ANKFN1: variants seen among roughly 807,000 people sequenced by gnomAD.
ANKFN1 encodes ankyrin repeat and fibronectin type III domain containing 1.
A neutral mutation model predicts 108.7 loss-of-function variants in ANKFN1; 74 were observed. The ratio of observed to expected loss-of-function variants is 0.68; its 90% CI spans 0.56 to 0.83. The LOEUF is 0.83. Among genes scored for constraint, ANKFN1 ranks in the 40% least tolerant of loss-of-function variants. The pLI is 0.00. For missense variants in ANKFN1, 1,505 were observed against 1,382.3 expected, an observed-to-expected ratio of 1.09 and a Z score of -1.41; for synonymous variants, 547 against 516.2, an observed-to-expected ratio of 1.06 and a Z score of -0.81.
intron 6 of ANKFN1, among the ~76,000 whole-genome samples, chr17:56,356,486 CAA>C (rs1567940332): frequency 6.6e-6 from 1 of 152,110 alleles, no homozygotes; most frequent in African/African-American, 2.4e-5. Context: ...CGCCACCACC[CAA>C]AGACTAGGTA....
In ANKFN1 at chr17:56,498,866, C is replaced by T. The variant is rs1222845062; in HGVS notation, c.2428-16C>T. On this transcript the variant is annotated splice_polypyrimidine_tract_variant and intron_variant, in intron 19 of 20. Transcript: ENST00000682825. ...CTGCTTGATAACTTAGTGTCTTTTACCATTTTATTCCAAAGCAAATAGATG... is the reference window on the plus strand; with the variant it reads ...CTGCTTGATAACTTAGTGTCTTTTATCATTTTATTCCAAAGCAAATAGATG... The T allele has an allele frequency of 2.6e-6, 4 of 1,529,380 alleles. No homozygotes were observed. The South Asian group carries it at 3.6e-5, about 14-fold the overall frequency. The allele number at this position is 1,529,380 out of a possible 1,614,324, so 94.7% of individuals were successfully genotyped here.
At chr17:56,162,167 C>A (rs1909719084) in intron 1 of ANKFN1, among the ~76,000 whole-genome samples, 2 of 152,108 alleles carry the variant, frequency 1.3e-5, no homozygotes, top group Non-Finnish European at 2.9e-5. Flanking sequence ...TTCTCCCCTA[C>A]CTAAAAGAAG....
At chr17:56,047,578 T>C (rs1313324519) in intron 4 of ANKFN1, among the ~76,000 whole-genome samples, 1 of 152,066 alleles carries the variant, frequency 6.6e-6, no homozygotes, top group Non-Finnish European at 1.5e-5. Flanking sequence ...AAATGAAATA[T>C]GAACCAGGGG....
intron 3 of ANKFN1, among the ~76,000 whole-genome samples, chr17:56,230,340 T>A (rs1054674139): frequency 2.0e-5 from 3 of 152,140 alleles, no homozygotes; most frequent in African/African-American, 4.8e-5. Context: ...TTTCAAAGTA[T>A]CTTTTTGGGG....
chr17:56,387,293 T>C (rs1446684772), intron 8 of ANKFN1, among the ~76,000 whole-genome samples: 1 of 152,202 alleles, frequency 6.6e-6, no homozygotes, highest in Non-Finnish European at 1.5e-5. Flanking sequence ...GGTTTAAGGC[T>C]GTAAATGTTC....
chr17:56,317,225 G>A (rs73991464), intron 3 of ANKFN1, among the ~76,000 whole-genome samples: 4,527 of 152,190 alleles, frequency 0.03, 228 homozygotes, highest in African/African-American at 0.1. Flanking sequence ...TCACTTAGAG[G>A]AGAAAACTGA....
chr17:56,101,847 G>A (rs1433252726), intron 4 of ANKFN1, among the ~76,000 whole-genome samples: 1 of 152,064 alleles, frequency 6.6e-6, no homozygotes, highest in Non-Finnish European at 1.5e-5. Flanking sequence ...GCAGATTCTG[G>A]GCCTCATCCT....
Position 56,477,436 on chromosome 17 carries a change from C to T in ANKFN1, c.1774-52C>T, listed in dbSNP as rs1438983046. On this transcript the variant is annotated intron_variant, in intron 15 of 20. Coordinates refer to ENST00000682825, the MANE Select transcript of ANKFN1 (RefSeq NM_001370326.1). ...TAGAAAGGAAAAGGTTTTGAGATTG[C>T]CCTTCGAGTTGTTTTCTTGTTTTCT... 8 of 1,472,672 alleles carry T rather than the reference C, an allele frequency of 5.4e-6. No individual in the cohort carries two copies. The South Asian group carries it at 7.1e-5, about 13-fold the overall frequency. 91.2% of individuals were successfully genotyped at this position (1,472,672 alleles called of 1,614,324 possible). A position where few individuals can be genotyped will look rare whatever the true frequency, so the allele number is the denominator to read the frequency against.
chr17:56,320,704 C>T (rs1031450943), intron 3 of ANKFN1, among the ~76,000 whole-genome samples: 2 of 152,048 alleles, frequency 1.3e-5, no homozygotes, highest in African/African-American at 2.4e-5. Flanking sequence ...TGCTACAGCC[C>T]GGTGAGAGGC....
At chr17:56,415,288 G>T (rs1014594093) in intron 8 of ANKFN1, among the ~76,000 whole-genome samples, 1 of 152,110 alleles carries the variant, frequency 6.6e-6, no homozygotes. Flanking sequence ...CAGGTGATAT[G>T]ATCTTATATT....
At chr17:56,299,304 C>T (rs2044606613) in intron 3 of ANKFN1, among the ~76,000 whole-genome samples, 1 of 152,016 alleles carries the variant, frequency 6.6e-6, no homozygotes, top group Admixed American at 6.6e-5. Flanking sequence ...TCCAGTGTTC[C>T]CTGGGCTTCT....
chr17:56,280,563 A>G (rs1159126207), intron 3 of ANKFN1, among the ~76,000 whole-genome samples: 1 of 152,136 alleles, frequency 6.6e-6, no homozygotes, highest in African/African-American at 2.4e-5. Flanking sequence ...CTGGTTCTCC[A>G]GCTTGCAGAT....
chr17:56,405,726 A>T (rs1488366452), intron 8 of ANKFN1, among the ~76,000 whole-genome samples: 1 of 152,188 alleles, frequency 6.6e-6, no homozygotes. Flanking sequence ...AGAATGTGGG[A>T]TCTCATTTTG....
At chr17:56,481,506 A>ACG (rs1280144805) in intron 17 of ANKFN1, among the ~76,000 whole-genome samples, 2 of 151,578 alleles carry the variant, frequency 1.3e-5, no homozygotes, top group Non-Finnish European at 2.9e-5. Flanking sequence ...ACACACACAC[A>ACG]CACACGCACA....
At chr17:56,081,608 C>A (rs1905246828) in intron 4 of ANKFN1, among the ~76,000 whole-genome samples, 1 of 152,194 alleles carries the variant, frequency 6.6e-6, no homozygotes, top group African/African-American at 2.4e-5. Flanking sequence ...CTGCCTCAGC[C>A]TCCCAAAGTA....
At chr17:56,452,172 T>A (rs2049510130) in intron 11 of ANKFN1, among the ~76,000 whole-genome samples, 1 of 152,186 alleles carries the variant, frequency 6.6e-6, no homozygotes, top group Admixed American at 6.5e-5. Flanking sequence ...TGCAATACAA[T>A]AGTAACTGAA....
chr17:56,274,969 A>G (rs904292920), intron 3 of ANKFN1, among the ~76,000 whole-genome samples: 1 of 152,204 alleles, frequency 6.6e-6, no homozygotes, highest in Admixed American at 6.5e-5. Flanking sequence ...AAATGGACTG[A>G]ATAACGGTCC....
intron 14 of ANKFN1, among the ~76,000 whole-genome samples, chr17:56,461,510 C>G (rs181303579): frequency 8.5e-4 from 129 of 152,288 alleles, no homozygotes; most frequent in African/African-American, 3.1e-3. Context: ...GAATCCCCTT[C>G]TTTCCTCACT....
chr17:56,049,034 C>T (rs1326139304), intron 4 of ANKFN1, among the ~76,000 whole-genome samples: 4 of 152,198 alleles, frequency 2.6e-5, no homozygotes, highest in African/African-American at 4.8e-5. Flanking sequence ...CCAGACAGGG[C>T]GCAAGGATTT....
Sources: allele counts gnomAD v4.1 joint callset (sites outside exome capture counted in the v4.1 genomes callset), GRCh38; gene constraint gnomAD v4.1.1; transcripts MANE v1.5; gene names NCBI Gene and HGNC (gene_info 2026-07-23, HGNC 2026-07-21).